Variants in FGD4 observed in about 807,000 individuals in gnomAD.
The protein encoded by FGD4 is FYVE, RhoGEF and PH domain-containing protein 4.
In FGD4, 42 loss-of-function variants were observed where a neutral mutation model predicts 102.0. That is an observed-to-expected ratio of 0.41 (90% confidence interval 0.32 to 0.53). FGD4 has a LOEUF of 0.53. Among genes scored for constraint, FGD4 ranks in the 20% least tolerant of loss-of-function variants. The pLI is 0.21. For synonymous variants in FGD4, 380 were observed against 375.7 expected (o/e 1.01, Z -0.13); for missense variants, 902 against 1,078.2 (o/e 0.84, Z 2.29).
At chr12:32,580,689 C>T (rs913348129) in intron 3 of FGD4, among the ~76,000 whole-genome samples, 1 of 152,022 alleles carries the variant, frequency 6.6e-6, no homozygotes, top group Non-Finnish European at 1.5e-5. Flanking sequence ...AGATCGAGAC[C>T]ATCCTGGCTA....
rs1029551832 is a variant in FGD4 at position 32,611,291 on chromosome 12, T to C, written c.1749+8T>C. 6.2e-7 allele frequency: 1 copy of C among 1,614,144 alleles called. No individual in the cohort carries two copies. Among genetic ancestry groups the C allele is most frequent in the Non-Finnish European group, 8.5e-7 (1 of 1,180,000 alleles). On this transcript the variant is annotated splice_region_variant and intron_variant, in intron 10 of 16. Transcript: ENST00000534526. ...GAACGCTACCTTTTCTTAGTGAGTA[T>C]TATAGTGTTGGCAAGTCATATAAGA...
chr12:32,560,296 G>C (rs1304044559), intron 1 of FGD4, among the ~76,000 whole-genome samples: 1 of 152,080 alleles, frequency 6.6e-6, no homozygotes, highest in African/African-American at 2.4e-5. Context: ...ACTCATTTTG[G>C]AGTGCAGCGC....
intron 1 of FGD4, among the ~76,000 whole-genome samples, chr12:32,413,973 C>CTTTT (rs34824025): frequency 7.7e-6 from 1 of 129,272 alleles, no homozygotes; most frequent in Admixed American, 8.0e-5. Context: ...CTTGAGGATA[C>CTTTT]TTTTTTTTTT....
At chr12:32,624,936 G>T in intron 12 of FGD4, 40 bp from the exon 13 acceptor site, 2 of 1,531,496 alleles carry the variant, frequency 1.3e-6, no homozygotes, top group South Asian at 1.1e-5. Context: ...GTTTATATGA[G>T]AAACTTTAAT....
At chr12:32,554,033 G>T (rs1406788372) in intron 1 of FGD4, among the ~76,000 whole-genome samples, 1 of 152,152 alleles carries the variant, frequency 6.6e-6, no homozygotes, top group Admixed American at 6.5e-5. Context: ...AGGCTGCAGT[G>T]AGTTGTGAGT....
intron 15 of FGD4, 104 bp from the exon 16 acceptor site, chr12:32,638,551 G>A (rs113206789): frequency 7.0e-7 from 1 of 1,429,436 alleles, no homozygotes; most frequent in East Asian, 2.3e-5. Flanking sequence ...AATCTTTTTT[G>A]GATAGTCCAG....
chr12:32,480,704 T>C (rs1357585498), intron 1 of FGD4, among the ~76,000 whole-genome samples: 3 of 151,848 alleles, frequency 2.0e-5, no homozygotes, highest in Non-Finnish European at 4.4e-5. Flanking sequence ...TTTCACCATG[T>C]TGGCCAGGAT....
chr12:32,442,211 A>C (rs1942461232), intron 1 of FGD4, among the ~76,000 whole-genome samples: 1 of 151,588 alleles, frequency 6.6e-6, no homozygotes, highest in Non-Finnish European at 1.5e-5. Context: ...GTGCCACCAC[A>C]CCTGGCTAAT....
intron 1 of FGD4, among the ~76,000 whole-genome samples, chr12:32,520,621 A>G (rs1305968312): frequency 2.6e-5 from 4 of 151,758 alleles, no homozygotes; most frequent in Non-Finnish European, 5.9e-5. Context: ...TATTTTTAGT[A>G]GAGATAGGGT....
At chr12:32,465,578 G>A (rs1016054247) in intron 1 of FGD4, among the ~76,000 whole-genome samples, 1 of 151,990 alleles carries the variant, frequency 6.6e-6, no homozygotes. Context: ...TGAGGCAGGA[G>A]AATCGCTTGA....
intron 1 of FGD4, among the ~76,000 whole-genome samples, chr12:32,444,148 C>T (rs887700741): frequency 6.6e-6 from 1 of 151,662 alleles, no homozygotes; most frequent in African/African-American, 2.4e-5. Context: ...CTCAGCCTCC[C>T]AAGAAGCTGG....
chr12:32,480,791 G>T (rs140035480), intron 1 of FGD4, among the ~76,000 whole-genome samples: 4 of 146,324 alleles, frequency 2.7e-5, no homozygotes, highest in African/African-American at 7.5e-5. Flanking sequence ...GAGCCACCAC[G>T]CCCGGCCTTT....
chr12:32,490,002 TG>T (rs1350468013), intron 1 of FGD4, among the ~76,000 whole-genome samples: 1 of 152,214 alleles, frequency 6.6e-6, no homozygotes, highest in East Asian at 1.9e-4. Flanking sequence ...GGTAGGTCTC[TG>T]TATCCTGTTT....
chr12:32,470,652 C>A (rs1943393300), intron 1 of FGD4, among the ~76,000 whole-genome samples: 1 of 151,866 alleles, frequency 6.6e-6, no homozygotes, highest in African/African-American at 2.4e-5. Context: ...GAGGGTTTTT[C>A]CATGTTGGCC....
rs1267043755 is a variant in FGD4, at chr12:32,561,070, G to GTTT, written c.167-3065_167-3063dup. ...AGCAGAAATGTGGTTTCTTTGTTGG[G>GTTT]TTTTGTTTTTTTTTTTTTTTTTTTT... is the stretch of plus-strand genomic sequence containing the variant. On this transcript the variant is annotated intron_variant, in intron 1 of 16. Coordinates refer to ENST00000534526, the MANE Select transcript of FGD4 (RefSeq NM_001370298.3). Among the ~76,000 whole-genome samples the GTTT allele has an allele frequency of 1.8e-3, 164 of 90,784 alleles. 29 individuals are homozygous for GTTT. The highest frequency in any genetic ancestry group is 4.7e-3 in the African/African-American group (114 of 24,018). 59.6% of individuals were successfully genotyped at this position (90,784 alleles called of 152,430 possible).
Position 32,608,038 on chromosome 12 carries a change from C to G in FGD4, c.1486C>G (p.Leu496Val), listed in dbSNP as rs1376786996. The G allele has an allele frequency of 2.5e-6, 4 of 1,614,208 alleles. No homozygotes were observed. The East Asian group carries it at 6.7e-5, about 27-fold the overall frequency. The change falls in exon 8 of 17, where the codon CTT becomes GTT. Residue 496 changes from leucine to valine, a missense_variant. Physicochemically the swap from Leu to Val is conservative, Grantham distance 32. This residue lies in a region of FGD4 where 459 missense variants were observed against 619.0 expected (regional missense o/e 0.74). Coordinates refer to ENST00000534526, the MANE Select transcript of FGD4 (RefSeq NM_001370298.3). ...VQRIPRYEML[L>V]KDYLRKLPPD... ...GCGGATTCCCCGGTATGAGATGCTCCTTAAGGACTATCTAAGGAAATTGCC... is the reference window on the plus strand; with the variant it reads ...GCGGATTCCCCGGTATGAGATGCTCGTTAAGGACTATCTAAGGAAATTGCC...
chr12:32,613,688 C>T (rs1482515095), intron 10 of FGD4, among the ~76,000 whole-genome samples: 1 of 152,106 alleles, frequency 6.6e-6, no homozygotes, highest in African/African-American at 2.4e-5. Flanking sequence ...AGGAGGATCT[C>T]TTGAGCCAAA....
chr12:32,519,119 GAAAA>G lies in FGD4; in HGVS notation c.167-44998_167-44995del, dbSNP rs751377618. On this transcript the variant is annotated intron_variant, in intron 1 of 16. Transcript: ENST00000534526. ...CAACAAAAGCAAAACTCCGTCTCAG[GAAAA>G]AAAAAAAAAAAAAAAAAAAGCCTCC... Among the ~76,000 whole-genome samples, 401 of 73,414 alleles carry G rather than the reference GAAAA, an allele frequency of 5.5e-3. 4 individuals carry two copies. Among genetic ancestry groups the G allele is most frequent in the East Asian group, 0.037 (73 of 1,990 alleles). 48.2% of individuals were successfully genotyped at this position (73,414 alleles called of 152,430 possible).
intron 1 of FGD4, among the ~76,000 whole-genome samples, chr12:32,509,804 G>A (rs1939174347): frequency 6.6e-6 from 1 of 152,194 alleles, no homozygotes; most frequent in African/African-American, 2.4e-5. Context: ...CTCTAGGTGT[G>A]TGACCTGTCA....
Sources: gnomAD v4.1 joint callset for allele counts (sites outside exome capture counted in the v4.1 genomes callset) on GRCh38, gnomAD v4.1.1 for gene constraint, gnomAD v4.1.1 regional missense constraint, MANE v1.5 for transcripts, NCBI Gene and HGNC (gene_info 2026-07-23, HGNC 2026-07-21) for gene names.